The following METTL15 variants were observed in gnomAD, a reference collection of about 807,000 sequenced individuals.
The protein encoded by METTL15 is 12S rRNA N(4)-cytidine methyltransferase METTL15.
In METTL15, 34 loss-of-function variants were observed where a neutral mutation model predicts 38.3. That is an observed-to-expected ratio of 0.89 (90% CI 0.68 to 1.18). The LOEUF (loss-of-function observed/expected upper bound fraction) is 1.18, where lower values mean the gene tolerates loss of function less well. Among genes scored for constraint, METTL15 ranks in the 50% most tolerant of loss-of-function variants. The pLI is 0.00. For synonymous variants in METTL15, 162 were observed against 170.9 expected (o/e 0.95, Z 0.41); for missense variants, 438 against 498.4 (o/e 0.88, Z 1.15).
At chr11:28,284,490 C>G (rs1425371033) in intron 4 of METTL15, among the ~76,000 whole-genome samples, 1 of 152,010 alleles carries the variant, frequency 6.6e-6, no homozygotes, top group Non-Finnish European at 1.5e-5. Flanking sequence ...AAGAAGATTT[C>G]TGTAGTTGAA....
chr11:28,193,301 A>G (rs2133806058), intron 3 of METTL15, among the ~76,000 whole-genome samples: 1 of 152,234 alleles, frequency 6.6e-6, no homozygotes, highest in Non-Finnish European at 1.5e-5. Flanking sequence ...TCTGGAGGCT[A>G]TACAGGAAGC....
chr11:28,512,684 G>A (rs1007237961), intron 6 of METTL15, among the ~76,000 whole-genome samples: 6 of 152,118 alleles, frequency 3.9e-5, no homozygotes, highest in East Asian at 1.9e-4. Context: ...TAAGTGCCAC[G>A]CACAGCCCCG....
At chr11:28,248,086 T>A (rs1353174456) in intron 4 of METTL15, among the ~76,000 whole-genome samples, 2 of 152,122 alleles carry the variant, frequency 1.3e-5, no homozygotes, top group Non-Finnish European at 2.9e-5. Context: ...TATCATCCAC[T>A]GGTTTAAAAA....
At chr11:28,491,381 T>C (rs1454336883) in intron 6 of METTL15, among the ~76,000 whole-genome samples, 1 of 152,010 alleles carries the variant, frequency 6.6e-6, no homozygotes, top group Non-Finnish European at 1.5e-5. Context: ...GCACAAGAAA[T>C]AGAGAAAAAA....
intron 3 of METTL15, among the ~76,000 whole-genome samples, chr11:28,205,720 C>A (rs1167511437): frequency 3.7e-4 from 55 of 150,678 alleles, no homozygotes; most frequent in Admixed American, 1.4e-3. Context: ...TACAGTCCCA[C>A]CAACAGTGTA....
At chr11:28,131,492 C>A (rs1246425879) in intron 3 of METTL15, among the ~76,000 whole-genome samples, 1 of 133,796 alleles carries the variant, frequency 7.5e-6, no homozygotes, top group East Asian at 2.1e-4. Context: ...TTCTACTATA[C>A]TTCCAAGCAT....
At chr11:28,433,796 A>G (rs1242068855) in intron 6 of METTL15, among the ~76,000 whole-genome samples, 2 of 152,150 alleles carry the variant, frequency 1.3e-5, no homozygotes, top group Non-Finnish European at 2.9e-5. Context: ...CCCATCTACA[A>G]CTAGACTCTA....
At chr11:28,273,785 G>A (rs554637835) in intron 4 of METTL15, among the ~76,000 whole-genome samples, 12 of 152,012 alleles carry the variant, frequency 7.9e-5, no homozygotes, top group Admixed American at 1.3e-4. Context: ...ATTTCATGAT[G>A]TATATTTTAT....
intron 6 of METTL15, among the ~76,000 whole-genome samples, chr11:28,321,731 A>G (rs1004026916): frequency 3.9e-5 from 6 of 152,104 alleles, no homozygotes; most frequent in Non-Finnish European, 7.4e-5. Context: ...TGTTGAAAAG[A>G]AAGATGATTG....
chr11:28,196,544 T>A (rs1851916116), intron 3 of METTL15, among the ~76,000 whole-genome samples: 1 of 152,028 alleles, frequency 6.6e-6, no homozygotes, highest in African/African-American at 2.4e-5. Flanking sequence ...TATACATTGA[T>A]TTTGTAACGT....
At chr11:28,219,042 C>A (rs1019297719) in intron 4 of METTL15, among the ~76,000 whole-genome samples, 34 of 152,134 alleles carry the variant, frequency 2.2e-4, no homozygotes, top group Middle Eastern at 3.4e-3. Context: ...TGTCTCTGCC[C>A]GGCTTTGGTA....
intron 5 of METTL15, among the ~76,000 whole-genome samples, chr11:28,294,742 C>CT (rs1565231822): frequency 6.6e-6 from 1 of 152,126 alleles, no homozygotes; most frequent in Admixed American, 6.6e-5. Flanking sequence ...CTGAAGCTGT[C>CT]TAGCAGCCTG....
chr11:28,124,159 T>C (rs1032829855), intron 3 of METTL15, among the ~76,000 whole-genome samples: 1 of 152,102 alleles, frequency 6.6e-6, no homozygotes, highest in Admixed American at 6.6e-5. Flanking sequence ...ACTTGAATGC[T>C]TCTAGCTAAT....
At chr11:28,391,398 C>A (rs554572760) in intron 5 of METTL15, among the ~76,000 whole-genome samples, 1 of 151,950 alleles carries the variant, frequency 6.6e-6, no homozygotes, top group African/African-American at 2.4e-5. Flanking sequence ...TTTTGAGATA[C>A]GTCCCATCAA....
intron 6 of METTL15, among the ~76,000 whole-genome samples, chr11:28,486,096 C>A (rs193281172): frequency 1.3e-5 from 2 of 152,220 alleles, no homozygotes; most frequent in Non-Finnish European, 2.9e-5. Flanking sequence ...CCATAGTTAG[C>A]GCTATGAGAA....
chr11:28,214,675 A>G (rs1852788122), intron 4 of METTL15, among the ~76,000 whole-genome samples: 2 of 152,236 alleles, frequency 1.3e-5, no homozygotes, highest in South Asian at 4.1e-4. Context: ...TAACTATTTA[A>G]GACAAAATTA....
At chr11:28,374,308 T>TTC (rs1564910573) in intron 5 of METTL15, among the ~76,000 whole-genome samples, 1 of 152,222 alleles carries the variant, frequency 6.6e-6, no homozygotes, top group Non-Finnish European at 1.5e-5. Context: ...CATGGAATGT[T>TTC]CTTCCATTTG....
intron 3 of METTL15, among the ~76,000 whole-genome samples, chr11:28,134,104 C>G (rs1565115323): frequency 6.6e-6 from 1 of 152,040 alleles, no homozygotes; most frequent in Non-Finnish European, 1.5e-5. Context: ...GTGAACTGGC[C>G]CTGTTGTTGA....
intron 3 of METTL15, among the ~76,000 whole-genome samples, chr11:28,154,345 C>T (rs183029488): frequency 3.3e-5 from 5 of 151,996 alleles, no homozygotes; most frequent in African/African-American, 9.7e-5. Context: ...GTAGTAAATT[C>T]TTGGTAAATC....
Sources: allele counts gnomAD v4.1 joint callset (sites outside exome capture counted in the v4.1 genomes callset), GRCh38; gene constraint gnomAD v4.1.1; transcripts MANE v1.5; gene names NCBI Gene and HGNC (gene_info 2026-07-23, HGNC 2026-07-21).